Variants in SAMD4A observed in about 807,000 individuals in gnomAD.
SAMD4A encodes the protein protein Smaug homolog 1.
Under a neutral mutation model 81.3 loss-of-function variants are expected in SAMD4A, and 33 were observed. The ratio of observed to expected loss-of-function variants is 0.41; its 90% CI spans 0.31 to 0.54. The LOEUF (loss-of-function observed/expected upper bound fraction) is 0.54, where lower values mean the gene tolerates loss of function less well. Among genes scored for constraint, SAMD4A ranks in the 20% least tolerant of loss-of-function variants. The pLI is 0.37. For synonymous variants in SAMD4A, 389 were observed against 382.1 expected (o/e 1.02, Z -0.21); for missense variants, 854 against 951.1 (o/e 0.90, Z 1.34).
At chr14:54,639,840 G>T (rs1226661329) in intron 2 of SAMD4A, among the ~76,000 whole-genome samples, 1 of 149,354 alleles carries the variant, frequency 6.7e-6, no homozygotes, top group Non-Finnish European at 1.5e-5. Context: ...ACACACCACT[G>T]TTACTAGTTC....
chr14:54,630,580 C>A (rs1252148293), intron 2 of SAMD4A, among the ~76,000 whole-genome samples: 1 of 152,152 alleles, frequency 6.6e-6, no homozygotes, highest in Non-Finnish European at 1.5e-5. Flanking sequence ...TGAGTATTAA[C>A]CCCTTATCAG....
At chr14:54,712,047 G>A (rs1394291059) in intron 3 of SAMD4A, among the ~76,000 whole-genome samples, 1 of 152,094 alleles carries the variant, frequency 6.6e-6, no homozygotes, top group Non-Finnish European at 1.5e-5. Context: ...TCAAGAGAGG[G>A]AGAGACACCA....
rs770820663 is a variant in SAMD4A, at chr14:54,760,270, G to T, written c.1286G>T (p.Arg429Leu). ...CCGAGCACCACCCCCGAGGCTCGCCGCCGGGAGCCCCAGGCCCCGCGTCAG... is the reference window on the plus strand; with the variant it reads ...CCGAGCACCACCCCCGAGGCTCGCCTCCGGGAGCCCCAGGCCCCGCGTCAG... ...SSPSTTPEAR[R>L]REPQAPRQPS... The change falls in exon 7 of 13, where the codon CGC becomes CTC. Residue 429 changes from arginine to leucine, a missense_variant. Coordinates refer to ENST00000554335, the MANE Select transcript of SAMD4A (RefSeq NM_015589.6). 5.6e-6 allele frequency: 9 copies of T among 1,612,300 alleles called. No individual in the cohort carries two copies. The highest frequency in any genetic ancestry group is 3.3e-5 in the South Asian group (3 of 90,952).
chr14:54,701,996 T>A (rs1272041673), intron 2 of SAMD4A, 66 bp from the exon 3 acceptor site: 1 of 1,517,944 alleles, frequency 6.6e-7, no homozygotes, highest in Non-Finnish European at 9.0e-7. Flanking sequence ...AAATTCTCTT[T>A]AGAGTATCTG....
intron 8 of SAMD4A, among the ~76,000 whole-genome samples, chr14:54,768,759 A>G (rs1287672578): frequency 6.6e-6 from 1 of 152,206 alleles, no homozygotes; most frequent in African/African-American, 2.4e-5. Flanking sequence ...GCATATTCTT[A>G]ATGGCATCTG....
At chr14:54,778,757 G>A (rs182708555) in intron 11 of SAMD4A, among the ~76,000 whole-genome samples, 10 of 152,240 alleles carry the variant, frequency 6.6e-5, no homozygotes, top group Non-Finnish European at 1.0e-4. Flanking sequence ...ACCATTGAAC[G>A]CTGGACAGGA....
intron 2 of SAMD4A, among the ~76,000 whole-genome samples, chr14:54,629,770 A>G (rs1319275250): frequency 2.0e-5 from 3 of 152,154 alleles, no homozygotes; most frequent in African/African-American, 7.2e-5. Flanking sequence ...CATTACCACC[A>G]TCCATCTTTA....
At chr14:54,583,044 A>G (rs1403134161) in intron 2 of SAMD4A, among the ~76,000 whole-genome samples, 1 of 152,126 alleles carries the variant, frequency 6.6e-6, no homozygotes, top group Non-Finnish European at 1.5e-5. Context: ...CCTGGGTTCA[A>G]GTGATTCCCC....
rs530266364 is a variant in SAMD4A, at chr14:54,791,539, A to C, written c.*2595A>C. 1.5e-4 allele frequency: 23 copies of C among 152,338 alleles called. No homozygotes were observed. Among genetic ancestry groups the C allele is most frequent in the South Asian group, 8.3e-4 (4 of 4,814 alleles). 9.4% of individuals were successfully genotyped at this position (152,338 alleles called of 1,614,324 possible). A position where few individuals can be genotyped will look rare whatever the true frequency, so the allele number is the denominator to read the frequency against. ...ACTTATTAACTTGCTATGGCTGGTA[A>C]CCATGATAAAGTCTGTTATTAATAA... is the stretch of plus-strand genomic sequence containing the variant. On this transcript the variant is annotated 3_prime_UTR_variant, in exon 13 of 13. Coordinates refer to ENST00000554335, the MANE Select transcript of SAMD4A (RefSeq NM_015589.6).
intron 2 of SAMD4A, among the ~76,000 whole-genome samples, chr14:54,646,509 G>A (rs1455396023): frequency 6.6e-6 from 1 of 152,232 alleles, no homozygotes; most frequent in Non-Finnish European, 1.5e-5. Context: ...GATCCAGGGT[G>A]CACACGTTAA....
chr14:54,780,766 T>A (rs370917800), intron 11 of SAMD4A, among the ~76,000 whole-genome samples: 3 of 152,172 alleles, frequency 2.0e-5, no homozygotes, highest in African/African-American at 7.2e-5. Context: ...CCAGAGGACC[T>A]CCACAGGCAC....
intron 2 of SAMD4A, among the ~76,000 whole-genome samples, chr14:54,611,231 A>T (rs959973895): frequency 6.6e-5 from 10 of 152,222 alleles, no homozygotes; most frequent in Admixed American, 5.2e-4. Flanking sequence ...TCCCCTTTTA[A>T]TCCATAAAGC....
At position 54,789,150 on chromosome 14, in the gene SAMD4A, T is replaced by G. The variant is rs1348919908; in HGVS notation, c.*206T>G. 1.6e-6 allele frequency: 1 copy of G among 628,178 alleles called. No homozygotes were observed. The highest frequency in any genetic ancestry group is 2.9e-6 in the Non-Finnish European group (1 of 349,968). 38.9% of individuals were successfully genotyped at this position (628,178 alleles called of 1,614,324 possible). ...TGGGGTTGGTTATTTTGTCATTTGTTTCTGTCATGGGATGGTTTGGTGTGT... is the reference window on the plus strand; with the variant it reads ...TGGGGTTGGTTATTTTGTCATTTGTGTCTGTCATGGGATGGTTTGGTGTGT... On this transcript the variant is annotated 3_prime_UTR_variant, in exon 13 of 13. Coordinates refer to ENST00000554335, the MANE Select transcript of SAMD4A (RefSeq NM_015589.6).
chr14:54,712,173 G>C (rs2037006303), intron 3 of SAMD4A, among the ~76,000 whole-genome samples: 2 of 152,062 alleles, frequency 1.3e-5, no homozygotes, highest in Non-Finnish European at 2.9e-5. Flanking sequence ...CAGGCTGCAG[G>C]TCATCCCCAC....
intron 2 of SAMD4A, among the ~76,000 whole-genome samples, chr14:54,602,593 G>A (rs911767904): frequency 2.0e-5 from 3 of 151,942 alleles, no homozygotes; most frequent in Non-Finnish European, 2.9e-5. Flanking sequence ...GAATTGGGAA[G>A]CTTTGGAGAC....
In SAMD4A at chr14:54,743,526, G is replaced by A. The variant is rs141048441; in HGVS notation, c.980-5289G>A. On this transcript the variant is annotated intron_variant, in intron 4 of 12. Transcript: ENST00000554335. ...CTTTAAGGACTGTGCAGGCACACAA[G>A]GCGCAGCCTTTGATGTGGACACAGC... 1.5e-3 allele frequency among the ~76,000 whole-genome samples: 221 copies of A among 152,350 alleles called. 1 individual carries two copies. The highest frequency in any genetic ancestry group is 5.2e-3 in the African/African-American group (215 of 41,572).
At chr14:54,664,633 C>T (rs1045274462) in intron 2 of SAMD4A, among the ~76,000 whole-genome samples, 5 of 151,664 alleles carry the variant, frequency 3.3e-5, no homozygotes, top group African/African-American at 4.8e-5. Context: ...CTCCTTCTTA[C>T]TCCCTAAGCA....
chr14:54,652,261 A>G (rs970041875), intron 2 of SAMD4A, among the ~76,000 whole-genome samples: 2 of 152,370 alleles, frequency 1.3e-5, no homozygotes, highest in East Asian at 3.9e-4. Flanking sequence ...TATATGGTCA[A>G]ATCCCTAGCC....
At chr14:54,648,578 C>G (rs182524714) in intron 2 of SAMD4A, among the ~76,000 whole-genome samples, 24 of 152,210 alleles carry the variant, frequency 1.6e-4, no homozygotes, top group Non-Finnish European at 2.9e-4. Context: ...AATTCATGTG[C>G]ACAGATGATA....
Sources: allele counts gnomAD v4.1 joint callset (sites outside exome capture counted in the v4.1 genomes callset), GRCh38; gene constraint gnomAD v4.1.1; transcripts MANE v1.5; gene names NCBI Gene and HGNC (gene_info 2026-07-23, HGNC 2026-07-21).